The following STAMBPL1 variants were observed in gnomAD, a reference collection of about 807,000 sequenced individuals.
STAMBPL1 encodes STAM binding protein like 1.
STAMBPL1 carries 44 observed loss-of-function variants against 52.9 expected under a neutral mutation model. The ratio of observed to expected loss-of-function variants is 0.83; its 90% CI spans 0.65 to 1.07. The LOEUF is 1.07. Among genes scored for constraint, STAMBPL1 ranks in the 50% least tolerant of loss-of-function variants. The pLI, the probability that STAMBPL1 is intolerant of heterozygous loss-of-function variation, is 0.00. For synonymous variants in STAMBPL1, 164 were observed against 177.3 expected, an observed-to-expected ratio of 0.92 and a Z score of 0.60; for missense variants, 511 against 520.8, an observed-to-expected ratio of 0.98 and a Z score of 0.18.
At chr10:88,895,745 C>T (rs1205899971) in intron 1 of STAMBPL1, among the ~76,000 whole-genome samples, 10 of 152,194 alleles carry the variant, frequency 6.6e-5, no homozygotes. Flanking sequence ...CTGGCCCCTC[C>T]TAAAGTAGTA....
At chr10:88,923,107 T>G (rs1845555213) in intron 10 of STAMBPL1, 61 bp from the exon 11 acceptor site, 10 of 1,221,668 alleles carry the variant, frequency 8.2e-6, no homozygotes, top group Non-Finnish European at 1.2e-5. Flanking sequence ...CTAAAGAAAA[T>G]CATATGGTAA....
At chr10:88,881,225 A>C (rs1023765762) in intron 1 of STAMBPL1, among the ~76,000 whole-genome samples, 4 of 152,180 alleles carry the variant, frequency 2.6e-5, no homozygotes, top group African/African-American at 7.2e-5. Context: ...TGCACAAAGA[A>C]ATGGAATGTC....
chr10:88,904,955 A>G (rs1845035668), intron 2 of STAMBPL1, among the ~76,000 whole-genome samples: 1 of 151,968 alleles, frequency 6.6e-6, no homozygotes, highest in Admixed American at 6.6e-5. Context: ...AGCCCTGAAA[A>G]TTTCTTACTA....
intron 8 of STAMBPL1, among the ~76,000 whole-genome samples, chr10:88,919,524 T>C (rs1315077229): frequency 6.6e-6 from 1 of 152,194 alleles, no homozygotes; most frequent in Non-Finnish European, 1.5e-5. Flanking sequence ...GAGTGATTTG[T>C]CTGTTTAATA....
chr10:88,901,658 G>T lies in STAMBPL1; in HGVS notation c.-51G>T. ...TCTGCTTCTTGTTTTTGAAACAGATGAAGTGATTGAGAAGAAACAGTGAAC... is the reference window on the plus strand; with the variant it reads ...TCTGCTTCTTGTTTTTGAAACAGATTAAGTGATTGAGAAGAAACAGTGAAC... On this transcript the variant is annotated splice_region_variant and 5_prime_UTR_variant, in exon 2 of 11. An upstream start codon of the reference 5' UTR is lost. Transcript: ENST00000371926. The T allele has an allele frequency of 6.3e-7, 1 of 1,583,044 alleles. No homozygotes were observed.
chr10:88,895,521 T>TGC (rs1178379676), intron 1 of STAMBPL1, among the ~76,000 whole-genome samples: 2 of 152,236 alleles, frequency 1.3e-5, no homozygotes, highest in African/African-American at 4.8e-5. Flanking sequence ...GCAGAGGTCA[T>TGC]TAACCTCACC....
At chr10:88,904,913 GT>G (rs1211545982) in intron 2 of STAMBPL1, among the ~76,000 whole-genome samples, 18 of 146,662 alleles carry the variant, frequency 1.2e-4, no homozygotes, top group Admixed American at 1.4e-4. Flanking sequence ...CTTGTGGGTT[GT>G]TTTTTTTTTA....
rs148856604 is a variant in STAMBPL1, at chr10:88,884,761, A to G, written c.-54+4123A>G. Reference sequence around the variant, plus strand: ...AGCTGTTAGTTATTGAAGATGTGCTATATGCCAGGCACTGTACTAAGCCTT... The same window carrying G: ...AGCTGTTAGTTATTGAAGATGTGCTGTATGCCAGGCACTGTACTAAGCCTT... On this transcript the variant is annotated intron_variant, in intron 1 of 10. Transcript: ENST00000371926. Among the ~76,000 whole-genome samples, 206 of 152,306 alleles carry G rather than the reference A, an allele frequency of 1.4e-3. 2 individuals carry two copies. The highest frequency in any genetic ancestry group is 4.9e-3 in the African/African-American group (202 of 41,556).
chr10:88,902,330 C>T (rs1201010862), intron 2 of STAMBPL1, among the ~76,000 whole-genome samples: 2 of 151,550 alleles, frequency 1.3e-5, no homozygotes, highest in Non-Finnish European at 2.9e-5. Context: ...ACTTTTTGCT[C>T]AATGACAATT....
chr10:88,903,166 G>C lies in STAMBPL1; in HGVS notation c.30+1428G>C, dbSNP rs1386165077. ...CTGGAAAATTTGTGTTTTCATCCAA[G>C]AAGTCTGCATGCAAATGAAATATTA... On this transcript the variant is annotated intron_variant, in intron 2 of 10. Coordinates refer to ENST00000371926, the MANE Select transcript of STAMBPL1 (RefSeq NM_020799.4). 2.6e-5 allele frequency among the ~76,000 whole-genome samples: 4 copies of C among 152,146 alleles called. No homozygotes were observed. In the East Asian group the frequency reaches 7.7e-4, roughly 29 times the overall value.
intron 10 of STAMBPL1, among the ~76,000 whole-genome samples, chr10:88,922,693 G>T (rs1301145360): frequency 2.0e-5 from 3 of 152,086 alleles, no homozygotes; most frequent in Non-Finnish European, 2.9e-5. Context: ...TTATGTATAT[G>T]TATGATATTT....
chr10:88,913,161 A>G lies in STAMBPL1; in HGVS notation c.481A>G (p.Arg161Gly). ...LEHQRLIEAE[R>G]KRIAQMRQQQ... ...GCATCAGAGATTGATAGAGGCAGAA[A>G]GGAAGCGGATTGCTCAGATGCGCCA... Residue 161 changes from arginine (R) to glycine (G), a missense_variant, in exon 6 of 11, where the codon AGG (arginine) becomes GGG (glycine). Physicochemically the swap from Arg to Gly is moderately radical, Grantham distance 125. Around this residue, in one of 3 missense-constraint regions of STAMBPL1, gnomAD observed 358 missense variants for 343.5 expected, o/e 1.04. Coordinates refer to ENST00000371926, the MANE Select transcript of STAMBPL1 (RefSeq NM_020799.4). The G allele has an allele frequency of 6.2e-7, 1 of 1,613,494 alleles. No homozygotes were observed. The highest frequency in any genetic ancestry group is 8.5e-7 in the Non-Finnish European group (1 of 1,179,674).
At chr10:88,918,281 GCACACA>G (rs144819228) in intron 8 of STAMBPL1, among the ~76,000 whole-genome samples, 36 of 147,248 alleles carry the variant, frequency 2.4e-4, no homozygotes, top group Non-Finnish European at 2.0e-4. Context: ...GGAGCAGCAT[GCACACA>G]CACACACACA....
intron 1 of STAMBPL1, among the ~76,000 whole-genome samples, chr10:88,895,883 A>C (rs1430411372): frequency 6.6e-6 from 1 of 152,168 alleles, no homozygotes; most frequent in Non-Finnish European, 1.5e-5. Context: ...ACTTTCTTGC[A>C]CTCACAGTAG....
chr10:88,914,508 C>A, intron 6 of STAMBPL1, 26 bp from the exon 7 acceptor site: 1 of 1,459,396 alleles, frequency 6.9e-7, no homozygotes, highest in South Asian at 1.5e-5. Context: ...TGTTTTTTAG[C>A]CTTTTCTCCC....
intron 1 of STAMBPL1, among the ~76,000 whole-genome samples, chr10:88,900,883 T>G (rs895668281): frequency 6.6e-6 from 1 of 152,210 alleles, no homozygotes; most frequent in Non-Finnish European, 1.5e-5. Flanking sequence ...GCAGTCATCT[T>G]CCAAGCTTGT....
chr10:88,915,193 A>G (rs1217074030), intron 7 of STAMBPL1, among the ~76,000 whole-genome samples: 1 of 152,212 alleles, frequency 6.6e-6, no homozygotes, highest in African/African-American at 2.4e-5. Flanking sequence ...ATGAAAGACA[A>G]TGTCATAATA....
Position 88,903,818 on chromosome 10 carries a change from C to G in STAMBPL1, c.31-1625C>G, listed in dbSNP as rs17114057. On this transcript the variant is annotated intron_variant, in intron 2 of 10. Transcript: ENST00000371926. The stretch of plus-strand genomic sequence containing the variant: ...TTCTGTCTCTGATGTGGGGAAGCCA[C>G]GTAATAAAATGTACAAGGGACATGG... 8.9e-3 allele frequency among the ~76,000 whole-genome samples: 1,361 copies of G among 152,232 alleles called. 35 individuals are homozygous for G. The East Asian group carries it at 0.11, about 12-fold the overall frequency.
intron 1 of STAMBPL1, among the ~76,000 whole-genome samples, chr10:88,896,864 A>G (rs947040664): frequency 1.3e-5 from 2 of 151,958 alleles, no homozygotes; most frequent in South Asian, 2.1e-4. Flanking sequence ...GCACGCACGC[A>G]CACACACACA....
Sources: gnomAD v4.1 joint callset for allele counts (sites outside exome capture counted in the v4.1 genomes callset) on GRCh38, gnomAD v4.1.1 for gene constraint, gnomAD v4.1.1 regional missense constraint, MANE v1.5 for transcripts, NCBI Gene and HGNC (gene_info 2026-07-23, HGNC 2026-07-21) for gene names.